MAGI3: variants seen among roughly 807,000 people sequenced by gnomAD.
MAGI3 encodes the protein membrane-associated guanylate kinase, WW and PDZ domain-containing protein 3.
In MAGI3, 43 loss-of-function variants were observed where a neutral mutation model predicts 121.8. The observed-to-expected ratio is 0.35, with a 90% CI of 0.28 to 0.46. The LOEUF is 0.46. Ranked by LOEUF, MAGI3 falls within the 20% of genes least tolerant of loss-of-function variation. MAGI3 has a pLI of 1.00. For synonymous variants in MAGI3, 553 were observed against 639.3 expected (o/e 0.86, Z 2.04); for missense variants, 1,547 against 1,797.3 (o/e 0.86, Z 2.52).
intron 1 of MAGI3, among the ~76,000 whole-genome samples, chr1:113,491,749 C>T (rs907614200): frequency 6.6e-6 from 1 of 152,000 alleles, no homozygotes; most frequent in Admixed American, 6.6e-5. Context: ...CCTCTGTGAA[C>T]ATAAACTAGA....
chr1:113,457,575 C>T (rs367794608), intron 1 of MAGI3, among the ~76,000 whole-genome samples: 3 of 150,308 alleles, frequency 2.0e-5, no homozygotes, highest in Admixed American at 1.3e-4. Flanking sequence ...ATTAAATGAC[C>T]GATATTTGAG....
rs568632901 is a variant in MAGI3, at chr1:113,566,303, T to G, written c.434-14239T>G. On this transcript the variant is annotated intron_variant, in intron 2 of 20. Transcript: ENST00000307546. ...TCATGTAAGTTAATAGCAGCTTTAT[T>G]TATTATAGCCCAAATGTGGAAACAA... 2.6e-5 allele frequency among the ~76,000 whole-genome samples: 4 copies of G among 152,312 alleles called. No homozygotes were observed. The South Asian group carries it at 8.3e-4, about 32-fold the overall frequency.
intron 1 of MAGI3, among the ~76,000 whole-genome samples, chr1:113,416,328 A>ATG (rs1652384882): frequency 8.0e-6 from 1 of 125,320 alleles, no homozygotes; most frequent in Non-Finnish European, 1.6e-5. Flanking sequence ...GTAATTAATT[A>ATG]TATATCAATC....
chr1:113,624,428 GTGC>G (rs1651091069), intron 9 of MAGI3, among the ~76,000 whole-genome samples: 1 of 152,140 alleles, frequency 6.6e-6, no homozygotes, highest in Admixed American at 6.5e-5. Flanking sequence ...ATACCTCATT[GTGC>G]TTTTGATTTG....
intron 6 of MAGI3, among the ~76,000 whole-genome samples, chr1:113,608,328 T>C (rs983883642): frequency 5.3e-5 from 8 of 152,170 alleles, no homozygotes; most frequent in African/African-American, 1.9e-4. Flanking sequence ...TGGAAATACT[T>C]TTCAATCTCT....
chr1:113,432,870 C>T (rs1416610877), intron 1 of MAGI3, among the ~76,000 whole-genome samples: 1 of 152,006 alleles, frequency 6.6e-6, no homozygotes, highest in Non-Finnish European at 1.5e-5. Context: ...TCCTCTTGCA[C>T]GGTTGGTATT....
intron 1 of MAGI3, among the ~76,000 whole-genome samples, chr1:113,405,474 C>CA (rs5777158): frequency 0.019 from 1,035 of 54,336 alleles, 117 homozygotes; most frequent in Non-Finnish European, 0.026. Flanking sequence ...GAAACTGTCT[C>CA]AAAAAAAAAA....
chr1:113,654,909 T>TA (rs1267595403), intron 15 of MAGI3, among the ~76,000 whole-genome samples: 4 of 151,768 alleles, frequency 2.6e-5, no homozygotes, highest in Admixed American at 6.6e-5. Flanking sequence ...AACCTTAGTT[T>TA]AAAAAAAAGA....
intron 2 of MAGI3, among the ~76,000 whole-genome samples, chr1:113,569,366 CCTTTT>C (rs1315796025): frequency 1.3e-5 from 2 of 152,070 alleles, no homozygotes; most frequent in African/African-American, 4.8e-5. Context: ...TGTCAAGCCA[CCTTTT>C]CTTTTCATTC....
At chr1:113,612,846 C>A (rs982572107) in intron 6 of MAGI3, among the ~76,000 whole-genome samples, 1 of 152,232 alleles carries the variant, frequency 6.6e-6, no homozygotes, top group East Asian at 1.9e-4. Flanking sequence ...ACTATTAGTA[C>A]ATCCCTTTTA....
intron 1 of MAGI3, chr1:113,404,032 T>C (rs775226305): frequency 9.2e-5 from 14 of 152,176 alleles, no homozygotes; most frequent in East Asian, 1.9e-4. Context: ...GGAATAATCA[T>C]AGGGCCAAGG....
At position 113,677,233 on chromosome 1, in the gene MAGI3, G is replaced by A. The variant is rs560331904; in HGVS notation, c.3189+3768G>A. 5.3e-5 allele frequency among the ~76,000 whole-genome samples: 8 copies of A among 152,262 alleles called. 1 individual carries two copies. In the South Asian group the frequency reaches 1.2e-3, roughly 24 times the overall value. On this transcript the variant is annotated intron_variant, in intron 19 of 20. Coordinates refer to ENST00000307546, the MANE Select transcript of MAGI3 (RefSeq NM_001142782.2). ...ATAGTGTCAAACTTAAATATTTAAC[G>A]TAGAACATAATCAGATTTAGAAAAT...
chr1:113,683,006 A>G lies in MAGI3; in HGVS notation c.3438A>G (p.Pro1146=). 6.2e-7 allele frequency: 1 copy of G among 1,613,992 alleles called. No individual in the cohort carries two copies. The highest frequency in any genetic ancestry group is 8.5e-7 in the Non-Finnish European group (1 of 1,179,884). Residue 1146 remains proline (P), a synonymous_variant, in exon 21 of 21, where the codon CCA becomes CCG. Transcript: ENST00000307546. ...FASIFEESHV[P]VIEESLRVQI... ...CCATATTTGAAGAGTCTCACGTGCC[A>G]GTAATTGAAGAATCTTTGAGAGTTC... is the stretch of plus-strand genomic sequence containing the variant.
chr1:113,645,022 C>CTTTT (rs10548467), intron 11 of MAGI3, among the ~76,000 whole-genome samples: 2 of 104,370 alleles, frequency 1.9e-5, no homozygotes, highest in East Asian at 5.0e-4. Flanking sequence ...AGCTTCTGGC[C>CTTTT]TTTTTTTTTT....
Position 113,668,569 on chromosome 1 carries a change from CTTTTTTTTTT to C in MAGI3, c.2816-3150_2816-3141del, listed in dbSNP as rs370302032. ...CAACAAAACAACAAAAAACATGTAA[CTTTTTTTTTT>C]TTTTTTTTTTTTTTGAGACGGAGTC... On this transcript the variant is annotated intron_variant, in intron 16 of 20. Transcript: ENST00000307546. 8.4e-5 allele frequency among the ~76,000 whole-genome samples: 8 copies of C among 94,856 alleles called. No individual in the cohort carries two copies. The East Asian group carries it at 1.1e-3, about 13-fold the overall frequency. The allele number at this position is 94,856 out of a possible 152,430, so 62.2% of individuals were successfully genotyped here. A position where few individuals can be genotyped will look rare whatever the true frequency, so the allele number is the denominator to read the frequency against.
Position 113,676,329 on chromosome 1 carries a change from G to A in MAGI3, c.3189+2864G>A, listed in dbSNP as rs147783360. Reference sequence around the variant, plus strand: ...GCTTGTAATCCCAGCTACTTGGGAGGCTGAGGTGGGAGGGTTACTTGAGCC... The same window carrying A: ...GCTTGTAATCCCAGCTACTTGGGAGACTGAGGTGGGAGGGTTACTTGAGCC... On this transcript the variant is annotated intron_variant, in intron 19 of 20. Coordinates refer to ENST00000307546, the MANE Select transcript of MAGI3 (RefSeq NM_001142782.2). 3.1e-3 allele frequency among the ~76,000 whole-genome samples: 466 copies of A among 152,252 alleles called. 1 individual carries two copies. Among genetic ancestry groups the A allele is most frequent in the African/African-American group, 0.011 (441 of 41,548 alleles).
intron 1 of MAGI3, among the ~76,000 whole-genome samples, chr1:113,502,729 A>G (rs868308029): frequency 0.14 from 4,773 of 34,420 alleles, 1,460 homozygotes; most frequent in Middle Eastern, 0.2. Context: ...TATATACCCA[A>G]AGGACTATAA....
chr1:113,632,555 A>G (rs1222920410), intron 9 of MAGI3, among the ~76,000 whole-genome samples: 1 of 152,216 alleles, frequency 6.6e-6, no homozygotes, highest in African/African-American at 2.4e-5. Context: ...GTATTAAAAA[A>G]TACCCAACTG....
At chr1:113,451,213 G>A (rs908783370) in intron 1 of MAGI3, among the ~76,000 whole-genome samples, 3 of 152,144 alleles carry the variant, frequency 2.0e-5, no homozygotes, top group Non-Finnish European at 4.4e-5. Flanking sequence ...TCAGGATTAT[G>A]TTAGCTTGAA....
Sources: gnomAD v4.1 joint callset for allele counts (sites outside exome capture counted in the v4.1 genomes callset) on GRCh38, gnomAD v4.1.1 for gene constraint, MANE v1.5 for transcripts, NCBI Gene and HGNC (gene_info 2026-07-23, HGNC 2026-07-21) for gene names.